KIRREL3: variants seen among roughly 807,000 people sequenced by gnomAD.
KIRREL3 encodes kirre like nephrin family adhesion molecule 3, also known as kin of IRRE-like protein 3.
In KIRREL3, 36 loss-of-function variants were observed where a neutral mutation model predicts 89.7. The ratio of observed to expected loss-of-function variants is 0.40; its 90% CI spans 0.31 to 0.53. The LOEUF is 0.53. Among genes scored for constraint, KIRREL3 ranks in the 20% least tolerant of loss-of-function variants. The pLI, the probability that KIRREL3 is intolerant of heterozygous loss-of-function variation, is 0.49. For synonymous variants in KIRREL3, 445 were observed against 441.4 expected, an observed-to-expected ratio of 1.01 and a Z score of -0.10; for missense variants, 864 against 1,056.6, an observed-to-expected ratio of 0.82 and a Z score of 2.53.
At position 126,558,443 on chromosome 11, in the gene KIRREL3, C is replaced by T. The variant is rs1033760265; in HGVS notation, c.133+4392G>A. On this transcript the variant is annotated intron_variant, in intron 2 of 16. Coordinates refer to ENST00000525144, the MANE Select transcript of KIRREL3 (RefSeq NM_032531.4). This position sits in a 1 kb window ranked among gnomAD's most constrained non-coding sequence, Gnocchi z 4.0. The stretch of plus-strand genomic sequence containing the variant: ...CAAGCTGAAGTGTTAGAGGCTTTCC[C>T]TCTGCTCATGGTCTCAGCCTCCTCT... 6.6e-6 allele frequency among the ~76,000 whole-genome samples: 1 copy of T among 152,198 alleles called. No individual in the cohort carries two copies. Among genetic ancestry groups the T allele is most frequent in the African/African-American group, 2.4e-5 (1 of 41,436 alleles).
intron 2 of KIRREL3, among the ~76,000 whole-genome samples, chr11:126,532,532 T>C (rs1446975110): frequency 6.6e-6 from 1 of 152,100 alleles, no homozygotes; most frequent in East Asian, 1.9e-4. Flanking sequence ...CCTGCCACCA[T>C]GCCTGGCTAA....
At chr11:126,799,408 G>GTT (rs1259774027) in intron 1 of KIRREL3, among the ~76,000 whole-genome samples, 2 of 114,956 alleles carry the variant, frequency 1.7e-5, no homozygotes, top group African/African-American at 3.5e-5. Context: ...GCATCTATCT[G>GTT]TGTGTGCGTC....
chr11:126,446,611 C>G (rs893552817), intron 9 of KIRREL3, 148 bp downstream of exon 9: 3 of 930,586 alleles, frequency 3.2e-6, no homozygotes, highest in Non-Finnish European at 4.7e-6. Flanking sequence ...GTTCCCCCTC[C>G]TCTTTCTGGG....
chr11:126,712,742 A>G (rs1036272655), intron 1 of KIRREL3, among the ~76,000 whole-genome samples: 8 of 152,174 alleles, frequency 5.3e-5, no homozygotes, highest in Non-Finnish European at 7.3e-5. Flanking sequence ...CTACCAGCAG[A>G]GAAAAGTAGG....
rs190615256 is a variant in KIRREL3 at position 126,795,044 on chromosome 11, A to G, written c.55+205411T>C. On this transcript the variant is annotated intron_variant, in intron 1 of 16. Coordinates refer to ENST00000525144, the MANE Select transcript of KIRREL3 (RefSeq NM_032531.4). The surrounding 1 kb of genome is among the most constrained non-coding windows in gnomAD (Gnocchi z 4.1). ...TATATAATATTCTGGAAAGGCAGAC[A>G]AAAGAAAGTTCAGTGTTTGCCAGGG... 3.2e-3 allele frequency among the ~76,000 whole-genome samples: 489 copies of G among 152,292 alleles called. 1 individual carries two copies. Among genetic ancestry groups the G allele is most frequent in the Middle Eastern group, 6.8e-3 (2 of 294 alleles).
At chr11:126,882,923 T>A (rs1401163977) in intron 1 of KIRREL3, among the ~76,000 whole-genome samples, 1 of 152,200 alleles carries the variant, frequency 6.6e-6, no homozygotes, top group Non-Finnish European at 1.5e-5. Context: ...TGTTGGACAT[T>A]CAATGACTGT....
At chr11:126,765,699 G>C (rs369001805) in intron 1 of KIRREL3, among the ~76,000 whole-genome samples, 1 of 152,068 alleles carries the variant, frequency 6.6e-6, no homozygotes, top group African/African-American at 2.4e-5. Flanking sequence ...GGCAGTTTTC[G>C]GGGAAGCAAC....
intron 5 of KIRREL3, among the ~76,000 whole-genome samples, chr11:126,468,882 G>A (rs540688536): frequency 1.1e-3 from 170 of 152,310 alleles, no homozygotes; most frequent in South Asian, 1.9e-3. Context: ...GTTATGTTAC[G>A]GATCCCAGGT....
chr11:126,700,729 G>A (rs1306897931), intron 1 of KIRREL3, among the ~76,000 whole-genome samples: 1 of 152,144 alleles, frequency 6.6e-6, no homozygotes, highest in African/African-American at 2.4e-5. Flanking sequence ...CCGCTATTCA[G>A]CAGGTGAAAC....
rs117237027 is a variant in KIRREL3 at position 126,811,255 on chromosome 11, C to T, written c.55+189200G>A. Among the ~76,000 whole-genome samples, 69 of 152,322 alleles carry T rather than the reference C, an allele frequency of 4.5e-4. 1 individual carries two copies. In the East Asian group the frequency reaches 0.013, roughly 29 times the overall value. On this transcript the variant is annotated intron_variant, in intron 1 of 16. Coordinates refer to ENST00000525144, the MANE Select transcript of KIRREL3 (RefSeq NM_032531.4). The surrounding 1 kb of genome is among the most constrained non-coding windows in gnomAD (Gnocchi z 4.3). The stretch of plus-strand genomic sequence containing the variant: ...TGTTTTCCAGGAGGTGTCCCTAGTA[C>T]CCTTCCCACCCGCTTTCATCCTCTT...
chr11:126,477,579 C>T lies in KIRREL3; in HGVS notation c.434-4113G>A, dbSNP rs1366284871. Among the ~76,000 whole-genome samples the T allele has an allele frequency of 5.9e-5, 9 of 152,186 alleles. No individual in the cohort carries two copies. The highest frequency in any genetic ancestry group is 3.3e-4 in the Admixed American group (5 of 15,274). On this transcript the variant is annotated intron_variant, in intron 4 of 16. Coordinates refer to ENST00000525144, the MANE Select transcript of KIRREL3 (RefSeq NM_032531.4). This position sits in a 1 kb window ranked among gnomAD's most constrained non-coding sequence, Gnocchi z 4.8. Reference sequence around the variant, plus strand: ...AGAGGTAAAGCTTTCATCTATTTCACGCACTAAGGTTCTCTCTAACCTCTA... The same window carrying T: ...AGAGGTAAAGCTTTCATCTATTTCATGCACTAAGGTTCTCTCTAACCTCTA...
intron 4 of KIRREL3, 49 bp from the exon 5 acceptor site, chr11:126,473,515 A>G (rs749614883): frequency 6.8e-7 from 1 of 1,469,336 alleles, no homozygotes; most frequent in South Asian, 1.4e-5. Context: ...CACCTCGGGC[A>G]GGACGGCAGG....
chr11:126,510,513 C>G (rs1272776720), intron 4 of KIRREL3, among the ~76,000 whole-genome samples: 2 of 147,624 alleles, frequency 1.4e-5, no homozygotes, highest in African/African-American at 2.6e-5. Flanking sequence ...GACACTGCAC[C>G]CTTTGCCTCT....
In KIRREL3 at chr11:126,719,614, C is replaced by T. The variant is rs575781476; in HGVS notation, c.56-156702G>A. Among the ~76,000 whole-genome samples, 14 of 152,290 alleles carry T rather than the reference C, an allele frequency of 9.2e-5. No homozygotes were observed. Among genetic ancestry groups the T allele is most frequent in the South Asian group, 6.2e-4 (3 of 4,824 alleles). ...CCTGCCTTCACCACACAGCCCCTCC[C>T]GCTAGATCCTGTCAAAATCATCCCT... On this transcript the variant is annotated intron_variant, in intron 1 of 16. Transcript: ENST00000525144. The surrounding 1 kb of genome is among the most constrained non-coding windows in gnomAD (Gnocchi z 4.7).
In KIRREL3 at chr11:126,608,443, G is replaced by A. The variant is rs965024589; in HGVS notation, c.56-45531C>T. ...TTCACTAACCTTGCTTTTCCACCAGGTTTAGCCCCTGGTGCCCTTCCTCTG... is the reference window on the plus strand; with the variant it reads ...TTCACTAACCTTGCTTTTCCACCAGATTTAGCCCCTGGTGCCCTTCCTCTG... On this transcript the variant is annotated intron_variant, in intron 1 of 16. Coordinates refer to ENST00000525144, the MANE Select transcript of KIRREL3 (RefSeq NM_032531.4). The surrounding 1 kb of genome is among the most constrained non-coding windows in gnomAD (Gnocchi z 4.9). Among the ~76,000 whole-genome samples, 1 of 151,204 alleles carries A rather than the reference G, an allele frequency of 6.6e-6. No individual in the cohort carries two copies. The highest frequency in any genetic ancestry group is 6.6e-5 in the Admixed American group (1 of 15,172).
At position 126,561,351 on chromosome 11, in the gene KIRREL3, G is replaced by A. The variant is rs575000915; in HGVS notation, c.133+1484C>T. Reference sequence around the variant, plus strand: ...ATCTCCTCAGCCACCCAGAAGCTGAGGTCAGATATCTGGAGCTATGGGTTT... The same window carrying A: ...ATCTCCTCAGCCACCCAGAAGCTGAAGTCAGATATCTGGAGCTATGGGTTT... On this transcript the variant is annotated intron_variant, in intron 2 of 16. Transcript: ENST00000525144. The surrounding 1 kb of genome is among the most constrained non-coding windows in gnomAD (Gnocchi z 4.5). Among the ~76,000 whole-genome samples the A allele has an allele frequency of 6.6e-6, 1 of 152,316 alleles. No individual in the cohort carries two copies. The highest frequency in any genetic ancestry group is 2.1e-4 in the South Asian group (1 of 4,822).
rs1438184811 is a variant in KIRREL3, at chr11:126,750,130, A to C, written c.56-187218T>G. Among the ~76,000 whole-genome samples the C allele has an allele frequency of 6.6e-6, 1 of 152,204 alleles. No homozygotes were observed. The highest frequency in any genetic ancestry group is 2.4e-5 in the African/African-American group (1 of 41,440). ...TGGATGGAATAAATAAGTGCCTTGC[A>C]CATAGTAGGCACAGAATACACAATC... On this transcript the variant is annotated intron_variant, in intron 1 of 16. Coordinates refer to ENST00000525144, the MANE Select transcript of KIRREL3 (RefSeq NM_032531.4). The surrounding 1 kb of genome is among the most constrained non-coding windows in gnomAD (Gnocchi z 4.2).
chr11:126,765,873 T>C (rs1664989680), intron 1 of KIRREL3, among the ~76,000 whole-genome samples: 1 of 151,918 alleles, frequency 6.6e-6, no homozygotes, highest in South Asian at 2.1e-4. Context: ...GTTAAATCCT[T>C]CCCCCCAACT....
Position 126,717,637 on chromosome 11 carries a change from G to A in KIRREL3, c.56-154725C>T, listed in dbSNP as rs566518848. Among the ~76,000 whole-genome samples, 12 of 152,254 alleles carry A rather than the reference G, an allele frequency of 7.9e-5. No homozygotes were observed. The Middle Eastern group carries it at 0.01, about 129-fold the overall frequency. On this transcript the variant is annotated intron_variant, in intron 1 of 16. Transcript: ENST00000525144. The stretch of plus-strand genomic sequence containing the variant: ...CAGTCACCCCCACCTAGTGGTTCTC[G>A]TCTGTTTTAATGAGTTCAGAGTCAT...
Sources: gnomAD v4.1 joint callset for allele counts (sites outside exome capture counted in the v4.1 genomes callset) on GRCh38, gnomAD v4.1.1 for gene constraint, Gnocchi (gnomAD v3.1) non-coding constraint, MANE v1.5 for transcripts, NCBI Gene and HGNC (gene_info 2026-07-23, HGNC 2026-07-21) for gene names.